CTNNA3: variants seen among roughly 807,000 people sequenced by gnomAD.
CTNNA3 encodes catenin alpha 3, also known as catenin alpha-3.
Under a neutral mutation model 95.7 loss-of-function variants are expected in CTNNA3, and 76 were observed. That is an observed-to-expected ratio of 0.79 (90% CI 0.66 to 0.96). CTNNA3 has a LOEUF of 0.96. CTNNA3 is among the 40% of genes least tolerant of loss of function. CTNNA3 has a pLI of 0.00. For missense variants in CTNNA3, 1,191 were observed against 1,089.8 expected (o/e 1.09, Z -1.31); for synonymous variants, 431 against 374.4 (o/e 1.15, Z -1.74).
At chr10:67,726,693 T>G (rs1421658863) in intron 1 of CTNNA3, among the ~76,000 whole-genome samples, 1 of 33,786 alleles carries the variant, frequency 3.0e-5, no homozygotes, top group East Asian at 1.0e-3. Context: ...TATGATGTAT[T>G]ATATATAATA....
intron 6 of CTNNA3, among the ~76,000 whole-genome samples, chr10:67,202,014 G>A (rs187982464): frequency 4.6e-5 from 7 of 152,202 alleles, no homozygotes; most frequent in Admixed American, 3.9e-4. Context: ...TGTTAATCAC[G>A]CTTATGATAA....
intron 12 of CTNNA3, among the ~76,000 whole-genome samples, chr10:66,313,395 T>C (rs950412781): frequency 6.6e-6 from 1 of 152,190 alleles, no homozygotes; most frequent in African/African-American, 2.4e-5. Context: ...TTTGCCAATA[T>C]CATCTTCCTT....
chr10:66,531,043 A>G (rs1459388236), intron 10 of CTNNA3, among the ~76,000 whole-genome samples: 2 of 152,138 alleles, frequency 1.3e-5, no homozygotes, highest in Non-Finnish European at 2.9e-5. Context: ...GGAGGTCTGT[A>G]AAAGGCAATA....
chr10:66,393,796 T>G (rs2456731), intron 11 of CTNNA3, among the ~76,000 whole-genome samples: 18,610 of 152,068 alleles, frequency 0.12, 1,858 homozygotes, highest in African/African-American at 0.28. Context: ...CATTTCATTT[T>G]TATAGTTGGA....
intron 9 of CTNNA3, among the ~76,000 whole-genome samples, chr10:66,681,089 G>A (rs1847051679): frequency 6.6e-6 from 1 of 152,184 alleles, no homozygotes; most frequent in South Asian, 2.1e-4. Context: ...TTGTGCCATG[G>A]CTGGAGAAAA....
chr10:66,331,746 G>A (rs1274993598), intron 12 of CTNNA3, among the ~76,000 whole-genome samples: 16 of 151,824 alleles, frequency 1.1e-4, no homozygotes, highest in Non-Finnish European at 1.8e-4. Context: ...GATGCCTCTG[G>A]CTTTGTTCTT....
At chr10:66,232,752 C>T (rs10822760) in intron 13 of CTNNA3, among the ~76,000 whole-genome samples, 32,226 of 151,856 alleles carry the variant, frequency 0.21, 3,602 homozygotes, top group South Asian at 0.29. Context: ...ACAAAGTTGA[C>T]CTTGAAGTAA....
intron 7 of CTNNA3, among the ~76,000 whole-genome samples, chr10:66,845,148 T>A (rs1292951433): frequency 6.6e-6 from 1 of 152,006 alleles, no homozygotes; most frequent in Non-Finnish European, 1.5e-5. Flanking sequence ...TGCACTGACA[T>A]GGAGAAATAA....
chr10:66,406,390 C>T (rs1838812099), intron 11 of CTNNA3, among the ~76,000 whole-genome samples: 1 of 152,096 alleles, frequency 6.6e-6, no homozygotes, highest in Admixed American at 6.6e-5. Flanking sequence ...AAGCTTTTTC[C>T]TGTCCAAGGT....
Position 67,113,397 on chromosome 10 carries a change from C to T in CTNNA3, c.1047+66920G>A, listed in dbSNP as rs772359537. Among the ~76,000 whole-genome samples the T allele has an allele frequency of 5.3e-5, 8 of 152,092 alleles. No individual in the cohort carries two copies. In the East Asian group the frequency reaches 1.4e-3, roughly 26 times the overall value. The stretch of plus-strand genomic sequence containing the variant: ...TTTACATATAAGATGTGTGGAAAAA[C>T]CCACAGATACACACTCACACAGCAC... On this transcript the variant is annotated intron_variant, in intron 7 of 17. Coordinates refer to ENST00000433211, the MANE Select transcript of CTNNA3 (RefSeq NM_013266.4).
At chr10:67,744,462 GA>G (rs1841361923) in intron 1 of CTNNA3, among the ~76,000 whole-genome samples, 1 of 151,274 alleles carries the variant, frequency 6.6e-6, no homozygotes. Flanking sequence ...GTAGAAAGCT[GA>G]AACTGGATCC....
intron 7 of CTNNA3, among the ~76,000 whole-genome samples, chr10:66,911,440 C>T (rs1846219067): frequency 6.6e-6 from 1 of 152,092 alleles, no homozygotes; most frequent in Non-Finnish European, 1.5e-5. Context: ...TTCTATTTAA[C>T]AAAACAGATT....
intron 13 of CTNNA3, among the ~76,000 whole-genome samples, chr10:66,183,884 C>A (rs905476707): frequency 6.6e-6 from 1 of 152,032 alleles, no homozygotes; most frequent in Non-Finnish European, 1.5e-5. Flanking sequence ...TCCAATCCTC[C>A]TCTCAGTTTG....
In CTNNA3 at chr10:65,914,114, G is replaced by T. The variant is rs1397651187; in HGVS notation, c.*6216C>A. The T allele has an allele frequency of 1.3e-5, 2 of 152,050 alleles. No homozygotes were observed. Among genetic ancestry groups the T allele is most frequent in the African/African-American group, 4.8e-5 (2 of 41,392 alleles). The allele number at this position is 152,050 out of a possible 1,614,324, so 9.4% of individuals were successfully genotyped here. On this transcript the variant is annotated 3_prime_UTR_variant, in exon 18 of 18. Coordinates refer to ENST00000433211, the MANE Select transcript of CTNNA3 (RefSeq NM_013266.4). Reference sequence around the variant, plus strand: ...TATTTCATTTGAAATGAAAACACAAGAACTACTCTGCTAATATTAAGTAGC... The same window carrying T: ...TATTTCATTTGAAATGAAAACACAATAACTACTCTGCTAATATTAAGTAGC...
intron 4 of CTNNA3, among the ~76,000 whole-genome samples, chr10:67,530,393 C>A (rs1335074980): frequency 2.0e-5 from 3 of 152,184 alleles, no homozygotes; most frequent in Non-Finnish European, 4.4e-5. Context: ...GTGGTCTCAG[C>A]TGGAAATGAG....
At chr10:67,411,247 C>T (rs1245670084) in intron 5 of CTNNA3, among the ~76,000 whole-genome samples, 1 of 152,088 alleles carries the variant, frequency 6.6e-6, no homozygotes, top group East Asian at 1.9e-4. Flanking sequence ...CATGTGTATG[C>T]TAATTAGCTT....
At chr10:67,205,545 T>C (rs1007102849) in intron 6 of CTNNA3, among the ~76,000 whole-genome samples, 23 of 152,296 alleles carry the variant, frequency 1.5e-4, no homozygotes, top group African/African-American at 5.5e-4. Flanking sequence ...CCTAGCTCAA[T>C]TTCCTTTCCA....
At chr10:67,642,134 T>G (rs1046407087) in intron 2 of CTNNA3, among the ~76,000 whole-genome samples, 10 of 152,068 alleles carry the variant, frequency 6.6e-5, no homozygotes, top group Non-Finnish European at 1.2e-4. Flanking sequence ...AGGCAAAGAT[T>G]TCATGATGAA....
intron 9 of CTNNA3, among the ~76,000 whole-genome samples, chr10:66,686,428 A>T (rs1450932315): frequency 6.6e-6 from 1 of 152,196 alleles, no homozygotes; most frequent in African/African-American, 2.4e-5. Context: ...GCACTACTGC[A>T]CCTCTGCCTG....
Sources: gnomAD v4.1 joint callset for allele counts (sites outside exome capture counted in the v4.1 genomes callset) on GRCh38, gnomAD v4.1.1 for gene constraint, MANE v1.5 for transcripts, NCBI Gene and HGNC (gene_info 2026-07-23, HGNC 2026-07-21) for gene names.